Variants in TSC1 observed in about 807,000 individuals in gnomAD.
The protein encoded by TSC1 is hamartin.
In TSC1, 20 loss-of-function variants were observed where a neutral mutation model predicts 124.3. The ratio of observed to expected loss-of-function variants is 0.16; its 90% CI spans 0.11 to 0.23. The LOEUF is 0.23. TSC1 is among the 10% of genes least tolerant of loss of function. TSC1 has a pLI of 1.00. For missense variants in TSC1, 1,124 were observed against 1,448.5 expected, an observed-to-expected ratio of 0.78 and a Z score of 3.64; for synonymous variants, 493 against 539.1, an observed-to-expected ratio of 0.91 and a Z score of 1.19.
intron 8 of TSC1, among the ~76,000 whole-genome samples, chr9:132,913,991 T>G (rs1364230215): frequency 7.0e-6 from 1 of 142,918 alleles, no homozygotes; most frequent in Non-Finnish European, 1.5e-5. Flanking sequence ...CTCCACCTTC[T>G]GGATTCAAGC....
At chr9:132,930,596 A>C (rs1847152059) in intron 2 of TSC1, among the ~76,000 whole-genome samples, 1 of 150,760 alleles carries the variant, frequency 6.6e-6, no homozygotes. Flanking sequence ...TCAAAAAAAA[A>C]AAAAAAAAAA....
At position 132,923,645 on chromosome 9, in the gene TSC1, G is replaced by A. The variant is rs984893045; in HGVS notation, c.364-153C>T. 1.9e-6 allele frequency: 2 copies of A among 1,059,738 alleles called. No individual in the cohort carries two copies. The highest frequency in any genetic ancestry group is 1.6e-5 in the African/African-American group (1 of 63,598). 65.6% of individuals were successfully genotyped at this position (1,059,738 alleles called of 1,614,324 possible). ...TTCCCTATCCCTAAGGATTACTGAAGGGATAACATTCAAACAGACTCAACA... is the reference window on the plus strand; with the variant it reads ...TTCCCTATCCCTAAGGATTACTGAAAGGATAACATTCAAACAGACTCAACA... On this transcript the variant is annotated intron_variant, in intron 5 of 22. Transcript: ENST00000298552. This position sits in a 1 kb window ranked among gnomAD's most constrained non-coding sequence, Gnocchi z 4.2.
rs786203900 is a variant in TSC1 at position 132,896,682 on chromosome 9, A to C, written c.3048T>G (p.Gly1016=). ...TGCTGGGCCTGGGGGTCTTGGTCTC[A>C]CCGTTGTGGCCAGATGCCTCTTCAT... The part of the protein sequence containing the change: ...GHNEEASGHN[G]ETKTPRPSSA... The change falls in exon 23 of 23, where the codon GGT becomes GGG. Residue 1016 remains glycine (G), a synonymous_variant. Coordinates refer to ENST00000298552, the MANE Select transcript of TSC1 (RefSeq NM_000368.5). This position sits in a 1 kb window ranked among gnomAD's most constrained non-coding sequence, Gnocchi z 4.5. 6.2e-7 allele frequency: 1 copy of C among 1,613,738 alleles called. No homozygotes were observed. Among genetic ancestry groups the C allele is most frequent in the South Asian group, 1.1e-5 (1 of 91,042 alleles).
At position 132,923,278 on chromosome 9, in the gene TSC1, T is replaced by C. The variant is rs748209780; in HGVS notation, c.508+70A>G. The C allele has an allele frequency of 9.5e-5, 152 of 1,591,828 alleles. No individual in the cohort carries two copies. Among genetic ancestry groups the C allele is most frequent in the Non-Finnish European group, 1.2e-4 (143 of 1,167,142 alleles). ...GTCTACATGTCCATTCCTTACAGCA[T>C]ATGAGCAATTAATCAATAATGAAAG... is the stretch of plus-strand genomic sequence containing the variant. On this transcript the variant is annotated intron_variant, in intron 6 of 22. Coordinates refer to ENST00000298552, the MANE Select transcript of TSC1 (RefSeq NM_000368.5). This position sits in a 1 kb window ranked among gnomAD's most constrained non-coding sequence, Gnocchi z 4.2.
At chr9:132,901,893 A>G (rs1157183599) in intron 18 of TSC1, 194 bp from the exon 19 acceptor site, 1 of 577,218 alleles carries the variant, frequency 1.7e-6, no homozygotes, top group East Asian at 2.9e-5. Context: ...CTGTTTAACA[A>G]AAGAAAAAAA....
chr9:132,929,023 A>T lies in TSC1; in HGVS notation c.-80-71T>A, dbSNP rs45607538. On this transcript the variant is annotated intron_variant, in intron 2 of 22. Transcript: ENST00000298552. ...TCCATAAAAAAAGAAAATACCTGCA[A>T]GACAAACTAATGCACGTGTTCAATG... The T allele has an allele frequency of 5.6e-3, 7,573 of 1,361,134 alleles. 25 individuals carry two copies. The highest frequency in any genetic ancestry group is 6.6e-3 in the Non-Finnish European group (6,677 of 1,007,844). 84.3% of individuals were successfully genotyped at this position (1,361,134 alleles called of 1,614,324 possible).
rs1588310178 is a variant in TSC1 at position 132,905,935 on chromosome 9, G to C, written c.1643C>G (p.Pro548Arg). The change falls in exon 15 of 23, where the codon CCA (proline) becomes CGA (arginine). Residue 548 changes from proline to arginine, a missense_variant. Transcript: ENST00000298552. Reference sequence around the variant, plus strand: ...GTCTATGGGAGTAAAGGCTTGCTTTGGTGTGTCAGGCCCAAGCTTGTCCAG... The same window carrying C: ...GTCTATGGGAGTAAAGGCTTGCTTTCGTGTGTCAGGCCCAAGCTTGTCCAG... Reference protein sequence around the residue: ...SSLDKLGPDTPKQAFTPIDLP... With the variant: ...SSLDKLGPDTRKQAFTPIDLP... 1.2e-6 allele frequency: 2 copies of C among 1,613,822 alleles called. No homozygotes were observed. The highest frequency in any genetic ancestry group is 1.7e-6 in the Non-Finnish European group (2 of 1,179,736).
Position 132,905,786 on chromosome 9 carries a change from T to C in TSC1, c.1792A>G (p.Ser598Gly), listed in dbSNP as rs1197000274. Residue 598 changes from serine to glycine, a missense_variant, in exon 15 of 23, where the codon AGC becomes GGC. This residue lies in a region of TSC1 where 321 missense variants were observed against 397.4 expected (regional missense o/e 0.81). Coordinates refer to ENST00000298552, the MANE Select transcript of TSC1 (RefSeq NM_000368.5). ...TGATCATACGGGGGAGGCTGCCCGC[T>C]TCCAAAGCCCACTCTCGTCGGAGGT... ...IPPPTRVGFG[S>G]GQPPPYDHLF... 6.2e-7 allele frequency: 1 copy of C among 1,614,224 alleles called. No homozygotes were observed. The highest frequency in any genetic ancestry group is 1.3e-5 in the African/African-American group (1 of 75,066).
chr9:132,897,451 A>G lies in TSC1; in HGVS notation c.2785T>C (p.Tyr929His), dbSNP rs1845137965. The G allele has an allele frequency of 1.2e-6, 2 of 1,614,056 alleles. No individual in the cohort carries two copies. The stretch of plus-strand genomic sequence containing the variant: ...GCCTGGAGTTTGACATCCTCTAGAT[A>G]TTTCTTCTGTTCCAAAAGAAGGTGG... ...KDHLLLEQKK[Y>H]LEDVKLQARG... The change falls in exon 21 of 23, where the codon TAT (tyrosine) becomes CAT (histidine). Residue 929 changes from tyrosine (Y) to histidine (H), a missense_variant. Around this residue, in one of 5 missense-constraint regions of TSC1, gnomAD observed 325 missense variants for 383.4 expected, o/e 0.85. Coordinates refer to ENST00000298552, the MANE Select transcript of TSC1 (RefSeq NM_000368.5).
At chr9:132,913,891 G>GTTTTTTTTTT (rs775823272) in intron 8 of TSC1, among the ~76,000 whole-genome samples, 37 of 58,364 alleles carry the variant, frequency 6.3e-4, no homozygotes, top group Middle Eastern at 0.026. Flanking sequence ...GTTTTGTTTT[G>GTTTTTTTTTT]TTTTTTTTTT....
intron 20 of TSC1, 23 bp from the exon 21 acceptor site, chr9:132,897,633 A>C: frequency 6.4e-7 from 1 of 1,555,410 alleles, no homozygotes; most frequent in Non-Finnish European, 8.7e-7. Context: ...AAAAAAAAAG[A>C]CTGGAATTAG....
intron 8 of TSC1, among the ~76,000 whole-genome samples, chr9:132,918,069 T>C (rs1846356762): frequency 6.6e-6 from 1 of 152,220 alleles, no homozygotes; most frequent in African/African-American, 2.4e-5. Flanking sequence ...GCCTTCCAAG[T>C]TAATATAGTT....
At position 132,921,521 on chromosome 9, in the gene TSC1, G is replaced by T; in HGVS notation, c.664-85C>A. ...TGGAATATTAGTTGACAATTAAAAG[G>T]AATGAAGTACTGATACATGTTATAA... On this transcript the variant is annotated intron_variant, in intron 7 of 22. Transcript: ENST00000298552. The surrounding 1 kb of genome is among the most constrained non-coding windows in gnomAD (Gnocchi z 4.3). The T allele has an allele frequency of 6.8e-7, 1 of 1,472,156 alleles. No homozygotes were observed. The allele number at this position is 1,472,156 out of a possible 1,614,324, so 91.2% of individuals were successfully genotyped here. A position where few individuals can be genotyped will look rare whatever the true frequency, so the allele number is the denominator to read the frequency against.
In TSC1 at chr9:132,906,214, A is replaced by AT; in HGVS notation, c.1439-76dup. The AT allele has an allele frequency of 6.8e-7, 1 of 1,470,464 alleles. No homozygotes were observed. The highest frequency in any genetic ancestry group is 9.3e-7 in the Non-Finnish European group (1 of 1,071,394). The allele number at this position is 1,470,464 out of a possible 1,614,324, so 91.1% of individuals were successfully genotyped here. ...GGAAAGACTAGGCAGTTTGGGTGGCATGCTGCCACATGCCAGTGTCACTCA... is the reference window on the plus strand; with the variant it reads ...GGAAAGACTAGGCAGTTTGGGTGGCATTGCTGCCACATGCCAGTGTCACTCA... On this transcript the variant is annotated intron_variant, in intron 14 of 22. Transcript: ENST00000298552. The surrounding 1 kb of genome is among the most constrained non-coding windows in gnomAD (Gnocchi z 4.1).
rs2131817057 is a variant in TSC1, at chr9:132,905,706, A to C, written c.1872T>G (p.Thr624=). The part of the protein sequence containing the change: ...KTAHHFVIRK[T]EELLKKAKGN... ...CTTTTGCTTTCTTTAACAGCTCCTCAGTCTTCCTGATGACAAAATGATGGG... is the reference window on the plus strand; with the variant it reads ...CTTTTGCTTTCTTTAACAGCTCCTCCGTCTTCCTGATGACAAAATGATGGG... Residue 624 remains threonine (T), a synonymous_variant, in exon 15 of 23, where the codon ACT becomes ACG. Coordinates refer to ENST00000298552, the MANE Select transcript of TSC1 (RefSeq NM_000368.5). 1 of 1,614,164 alleles carries C rather than the reference A, an allele frequency of 6.2e-7. No individual in the cohort carries two copies.
rs555874410 is a variant in TSC1 at position 132,907,479 on chromosome 9, G to A, written c.1264-109C>T. ...AGCCGAGTGCAGTGATTCTCAAATTGTTGGGATGTTTTCTTTTCTTTTTTT... is the reference window on the plus strand; with the variant it reads ...AGCCGAGTGCAGTGATTCTCAAATTATTGGGATGTTTTCTTTTCTTTTTTT... On this transcript the variant is annotated intron_variant, in intron 12 of 22. Coordinates refer to ENST00000298552, the MANE Select transcript of TSC1 (RefSeq NM_000368.5). 29 of 892,764 alleles carry A rather than the reference G, an allele frequency of 3.2e-5. No individual in the cohort carries two copies. The African/African-American group carries it at 4.1e-4, about 13-fold the overall frequency. The allele number at this position is 892,764 out of a possible 1,614,324, so 55.3% of individuals were successfully genotyped here. A position where few individuals can be genotyped will look rare whatever the true frequency, so the allele number is the denominator to read the frequency against.
chr9:132,923,356 TTCAGGCA>T lies in TSC1; in HGVS notation c.493_499del (p.Cys165ArgfsTer43). On this transcript the variant is annotated frameshift_variant, in exon 6 of 23. Coordinates refer to ENST00000298552, the MANE Select transcript of TSC1 (RefSeq NM_000368.5). LOFTEE classifies it high-confidence loss of function. The surrounding 1 kb of genome is among the most constrained non-coding windows in gnomAD (Gnocchi z 4.2). ...TATGAGGAGATCTGTACCTGGTTTCTTCAGGCACCATGATGACAGACGGCCAAAAATG... is the reference window on the plus strand; with the variant it reads ...TATGAGGAGATCTGTACCTGGTTTCTCCATGATGACAGACGGCCAAAAATG... 6.2e-7 allele frequency: 1 copy of T among 1,614,160 alleles called. No homozygotes were observed. The highest frequency in any genetic ancestry group is 8.5e-7 in the Non-Finnish European group (1 of 1,179,986).
Position 132,896,005 on chromosome 9 carries a change from C to T in TSC1, c.*230G>A, listed in dbSNP as rs980923731. 1.7e-5 allele frequency: 10 copies of T among 601,164 alleles called. No homozygotes were observed. Among genetic ancestry groups the T allele is most frequent in the Non-Finnish European group, 2.7e-5 (9 of 337,204 alleles). 37.2% of individuals were successfully genotyped at this position (601,164 alleles called of 1,614,324 possible). On this transcript the variant is annotated 3_prime_UTR_variant, in exon 23 of 23. Transcript: ENST00000298552. This position sits in a 1 kb window ranked among gnomAD's most constrained non-coding sequence, Gnocchi z 4.5. ...CTGGCCCTTGGATTAGAACACACTG[C>T]GAGGTAAATGAGAGGGGGTTAGGGC...
In TSC1 at chr9:132,894,007, C is replaced by T. The variant is rs528833042; in HGVS notation, c.*2228G>A. 4 of 233,526 alleles carry T rather than the reference C, an allele frequency of 1.7e-5. No individual in the cohort carries two copies. The South Asian group carries it at 7.2e-4, about 42-fold the overall frequency. The allele number at this position is 233,526 out of a possible 1,614,324, so 14.5% of individuals were successfully genotyped here. ...CTTCAACATGACTCCAGGTCTCATT[C>T]TCCCAACCGTAGTTGAATAAAACCC... is the stretch of plus-strand genomic sequence containing the variant. On this transcript the variant is annotated 3_prime_UTR_variant, in exon 23 of 23. Transcript: ENST00000298552.
Sources: allele counts gnomAD v4.1 joint callset (sites outside exome capture counted in the v4.1 genomes callset), GRCh38; gene constraint gnomAD v4.1.1; regional missense constraint gnomAD v4.1.1; non-coding constraint Gnocchi (gnomAD v3.1); transcripts MANE v1.5; gene names NCBI Gene and HGNC (gene_info 2026-07-23, HGNC 2026-07-21).